PRKAB1: variants seen among roughly 807,000 people sequenced by gnomAD.
The protein encoded by PRKAB1 is 5'-AMP-activated protein kinase subunit beta-1.
Under a neutral mutation model 32.0 loss-of-function variants are expected in PRKAB1, and 18 were observed. The observed-to-expected ratio is 0.56, with a 90% confidence interval of 0.39 to 0.83. The LOEUF is 0.83. Among genes scored for constraint, PRKAB1 ranks in the 40% least tolerant of loss-of-function variants. The pLI is 0.00. For synonymous variants in PRKAB1, 141 were observed against 141.4 expected (o/e 1.00, Z 0.02); for missense variants, 263 against 352.6 (o/e 0.75, Z 2.03).
chr12:119,673,615 C>T (rs527644572), intron 2 of PRKAB1, among the ~76,000 whole-genome samples: 10 of 152,330 alleles, frequency 6.6e-5, no homozygotes, highest in African/African-American at 1.2e-4. Context: ...AAGGGTAAAA[C>T]GAGGCAGCTT....
rs1400682978 is a variant in PRKAB1, at chr12:119,679,192, C to G, written c.667-741C>G. ...CTCACACAGCAACTGGCTGAGCCAG[C>G]AGTCACATCAGGCTTGGCTGGTGCC... On this transcript the variant is annotated intron_variant, in intron 5 of 6. Coordinates refer to ENST00000229328, the MANE Select transcript of PRKAB1 (RefSeq NM_006253.5). This position sits in a 1 kb window ranked among gnomAD's most constrained non-coding sequence, Gnocchi z 4.1. 1 of 152,240 alleles carries G rather than the reference C, an allele frequency of 6.6e-6. No individual in the cohort carries two copies. The highest frequency in any genetic ancestry group is 2.4e-5 in the African/African-American group (1 of 41,466). The allele number at this position is 152,240 out of a possible 1,614,324, so 9.4% of individuals were successfully genotyped here. A position where few individuals can be genotyped will look rare whatever the true frequency, so the allele number is the denominator to read the frequency against.
At chr12:119,668,524 C>T (rs1449725176) in intron 1 of PRKAB1, 121 bp downstream of exon 1, 3 of 1,344,934 alleles carry the variant, frequency 2.2e-6, no homozygotes, top group East Asian at 5.3e-5. Context: ...TGGTACATTA[C>T]CCGGTGCACT....
chr12:119,668,472 C>A, intron 1 of PRKAB1, 69 bp downstream of exon 1: 2 of 1,555,140 alleles, frequency 1.3e-6, no homozygotes, highest in Non-Finnish European at 1.7e-6. Flanking sequence ...CCACTAGATT[C>A]CCGTCACATC....
chr12:119,676,702 G>T (rs278149), intron 5 of PRKAB1, 32 bp downstream of exon 5: 495,302 of 1,605,878 alleles, frequency 0.31, 80,623 homozygotes, highest in African/African-American at 0.46. Flanking sequence ...CGGACCATCC[G>T]CCGTGGGTCA....
Position 119,680,034 on chromosome 12 carries a change from T to C in PRKAB1, c.735+33T>C, listed in dbSNP as rs373151116. The C allele has an allele frequency of 3.1e-6, 5 of 1,597,256 alleles. No individual in the cohort carries two copies. The African/African-American group carries it at 6.7e-5, about 21-fold the overall frequency. On this transcript the variant is annotated intron_variant, in intron 6 of 6. Coordinates refer to ENST00000229328, the MANE Select transcript of PRKAB1 (RefSeq NM_006253.5). ...CATGTCTGTCCCCATGAGAGCTGTG[T>C]TGCCCAGTGTGTGCTCTGAGGACCC...
At chr12:119,677,430 G>A (rs1395409652) in intron 5 of PRKAB1, 1 of 152,302 alleles carries the variant, frequency 6.6e-6, no homozygotes, top group African/African-American at 2.4e-5. Flanking sequence ...CCAGGACAGG[G>A]TCTCAGTGCT....
intron 4 of PRKAB1, among the ~76,000 whole-genome samples, chr12:119,676,231 C>G (rs1015071131): frequency 6.6e-6 from 1 of 152,108 alleles, no homozygotes; most frequent in Admixed American, 6.6e-5. Flanking sequence ...CTTATTCTGC[C>G]GTGCGTGTGG....
intron 1 of PRKAB1, chr12:119,669,801 C>G (rs1180699458): frequency 6.6e-6 from 1 of 152,282 alleles, no homozygotes; most frequent in Admixed American, 6.5e-5. Flanking sequence ...TCTTGAACTC[C>G]TGACCTCAAG....
chr12:119,678,750 A>G (rs961237091), intron 5 of PRKAB1: 2 of 152,166 alleles, frequency 1.3e-5, no homozygotes, highest in African/African-American at 4.8e-5. Flanking sequence ...TTCTTTATCC[A>G]TTCATCCATT....
chr12:119,668,976 G>T (rs1006629264), intron 1 of PRKAB1, among the ~76,000 whole-genome samples: 3 of 151,932 alleles, frequency 2.0e-5, no homozygotes, highest in African/African-American at 7.3e-5. Context: ...AATTAGCCGG[G>T]CGTGGTGGCG....
intron 2 of PRKAB1, 45 bp downstream of exon 2, chr12:119,672,509 C>A: frequency 6.9e-7 from 1 of 1,443,328 alleles, no homozygotes; most frequent in South Asian, 1.5e-5. Flanking sequence ...AACATAAATT[C>A]TCTTCTTTCT....
rs1320928464 is a variant in PRKAB1, at chr12:119,672,310, A to G, written c.169A>G (p.Lys57Glu). The change falls in exon 2 of 7, where the codon AAG becomes GAG. Residue 57 changes from lysine (K) to glutamate (E), a missense_variant. Physicochemically the swap from Lys to Glu is moderately conservative, Grantham distance 56 (BLOSUM62 1). Transcript: ENST00000229328. ...ACTGCTCTGCTTCTAGGCACCAGAG[A>G]AGGAGGAATTCCTGGCCTGGCAGCA... ...FHSEEIKAPE[K>E]EEFLAWQHDL... The G allele has an allele frequency of 6.2e-7, 1 of 1,606,706 alleles. No homozygotes were observed. The highest frequency in any genetic ancestry group is 2.3e-5 in the East Asian group (1 of 44,354).
At chr12:119,669,568 C>G (rs141715985) in intron 1 of PRKAB1, 1 of 151,350 alleles carries the variant, frequency 6.6e-6, no homozygotes, top group African/African-American at 2.4e-5. Flanking sequence ...TGAACCCACC[C>G]TACTTATTTT....
At chr12:119,678,001 T>C (rs1486494598) in intron 5 of PRKAB1, 1 of 152,198 alleles carries the variant, frequency 6.6e-6, no homozygotes, top group East Asian at 1.9e-4. Context: ...CCTAGCCTCG[T>C]GATCCACCCG....
chr12:119,673,928 C>T, intron 2 of PRKAB1, 36 bp from the exon 3 acceptor site: 1 of 1,580,396 alleles, frequency 6.3e-7, no homozygotes, highest in Non-Finnish European at 8.6e-7. Flanking sequence ...GGGCAGCCCA[C>T]CCCACGGAAG....
At chr12:119,669,540 A>T (rs1235985537) in intron 1 of PRKAB1, 1 of 150,878 alleles carries the variant, frequency 6.6e-6, no homozygotes, top group East Asian at 2.0e-4. Context: ...AAGTGCTGGG[A>T]TTACAGGCGT....
In PRKAB1 at chr12:119,680,589, G is replaced by A; in HGVS notation, c.*264G>A. The A allele has an allele frequency of 2.0e-6, 1 of 508,906 alleles. No individual in the cohort carries two copies. The highest frequency in any genetic ancestry group is 3.2e-5 in the East Asian group (1 of 31,324). 31.5% of individuals were successfully genotyped at this position (508,906 alleles called of 1,614,324 possible). A position where few individuals can be genotyped will look rare whatever the true frequency, so the allele number is the denominator to read the frequency against. On this transcript the variant is annotated 3_prime_UTR_variant, in exon 7 of 7. Coordinates refer to ENST00000229328, the MANE Select transcript of PRKAB1 (RefSeq NM_006253.5). Reference sequence around the variant, plus strand: ...CAAGAAAAGAGGGAGGGGTGGCAGAGGATCTGCAGCCCTGGCCCCGCGGTG... The same window carrying A: ...CAAGAAAAGAGGGAGGGGTGGCAGAAGATCTGCAGCCCTGGCCCCGCGGTG...
At position 119,680,665 on chromosome 12, in the gene PRKAB1, A is replaced by G. The variant is rs1955458402; in HGVS notation, c.*340A>G. On this transcript the variant is annotated 3_prime_UTR_variant, in exon 7 of 7. Transcript: ENST00000229328. ...CTACATTCTCGATTTTTCTTAAGCC[A>G]AAAATGAATGCTAACTCCTTTGCCA... 2 of 257,370 alleles carry G rather than the reference A, an allele frequency of 7.8e-6. No individual in the cohort carries two copies. The highest frequency in any genetic ancestry group is 1.6e-4 in the East Asian group (2 of 12,662). 15.9% of individuals were successfully genotyped at this position (257,370 alleles called of 1,614,324 possible).
rs539796623 is a variant in PRKAB1, at chr12:119,676,745, T to G, written c.666+75T>G. 5.1e-5 allele frequency: 79 copies of G among 1,536,134 alleles called. No individual in the cohort carries two copies. The South Asian group carries it at 8.7e-4, about 17-fold the overall frequency. ...TTGCTTTCTTTCCTGTGTCCACCTC[T>G]TGCAAAGCAGCTGGTGAGCAAGCTC... is the stretch of plus-strand genomic sequence containing the variant. On this transcript the variant is annotated intron_variant, in intron 5 of 6. Transcript: ENST00000229328.
Sources: gnomAD v4.1 joint callset for allele counts (sites outside exome capture counted in the v4.1 genomes callset) on GRCh38, gnomAD v4.1.1 for gene constraint, Gnocchi (gnomAD v3.1) non-coding constraint, MANE v1.5 for transcripts, NCBI Gene and HGNC (gene_info 2026-07-23, HGNC 2026-07-21) for gene names.